BAIAP2: variants seen among roughly 807,000 people sequenced by gnomAD.
The protein encoded by BAIAP2 is BAR/IMD domain containing adaptor protein 2, also known as BAR/IMD domain-containing adapter protein 2.
BAIAP2 carries 18 observed loss-of-function variants against 63.0 expected under a neutral mutation model. The observed-to-expected ratio is 0.29, with a 90% CI of 0.20 to 0.42. BAIAP2 has a LOEUF of 0.42. Ranked by LOEUF, BAIAP2 falls within the 10% of genes least tolerant of loss-of-function variation. The pLI is 1.00. For synonymous variants in BAIAP2, 386 were observed against 307.6 expected, an observed-to-expected ratio of 1.25 and a Z score of -2.67; for missense variants, 610 against 734.3, an observed-to-expected ratio of 0.83 and a Z score of 1.96.
At chr17:81,110,987 C>T (rs146631363) in intron 13 of BAIAP2, 3 of 1,613,418 alleles carry the variant, frequency 1.9e-6, no homozygotes, top group South Asian at 2.2e-5. Context: ...CTCGTGCAGT[C>T]ACTGGCCTCT....
chr17:81,104,974 A>ACGG (rs1336852167), intron 10 of BAIAP2: 9 of 423,122 alleles, frequency 2.1e-5, no homozygotes, highest in East Asian at 1.6e-4. Flanking sequence ...TCTCCCCCCA[A>ACGG]CAGCAGGGAT....
At chr17:81,111,790 G>A (rs1001010882) in intron 13 of BAIAP2, among the ~76,000 whole-genome samples, 8 of 152,198 alleles carry the variant, frequency 5.3e-5, no homozygotes, top group South Asian at 2.1e-4. Context: ...CCTTCCAATC[G>A]CCTACACCTG....
rs751324703 is a variant in BAIAP2, at chr17:81,085,644, C to G, written c.280-10C>G. The stretch of plus-strand genomic sequence containing the variant: ...AGCTGACGGCTGATGTGTTTTCTCT[C>G]CATGTCCAGCTGAAGTCTTTTCACA... On this transcript the variant is annotated splice_polypyrimidine_tract_variant and intron_variant, in intron 4 of 13. Coordinates refer to ENST00000428708, the MANE Select transcript of BAIAP2 (RefSeq NM_001144888.2). 1 of 1,612,810 alleles carries G rather than the reference C, an allele frequency of 6.2e-7. No individual in the cohort carries two copies. The highest frequency in any genetic ancestry group is 8.5e-7 in the Non-Finnish European group (1 of 1,179,072).
At chr17:81,065,167 G>A (rs1238199114) in intron 3 of BAIAP2, among the ~76,000 whole-genome samples, 1 of 152,230 alleles carries the variant, frequency 6.6e-6, no homozygotes, top group Non-Finnish European at 1.5e-5. Flanking sequence ...GACTGGAGTG[G>A]CCGGCTGGAT....
intron 6 of BAIAP2, among the ~76,000 whole-genome samples, chr17:81,088,807 C>G (rs1452794000): frequency 6.6e-6 from 1 of 152,264 alleles, no homozygotes. Context: ...ACGGCCGGTA[C>G]TGCCCTGTGG....
intron 1 of BAIAP2, among the ~76,000 whole-genome samples, chr17:81,045,342 C>G (rs1168983550): frequency 6.6e-6 from 1 of 152,134 alleles, no homozygotes; most frequent in Non-Finnish European, 1.5e-5. Context: ...GCCGTGTGGC[C>G]CTTCCCACAG....
At chr17:81,076,670 C>T (rs1400267107) in intron 3 of BAIAP2, among the ~76,000 whole-genome samples, 2 of 152,146 alleles carry the variant, frequency 1.3e-5, no homozygotes, top group Non-Finnish European at 2.9e-5. Context: ...CTCGTGTATC[C>T]ATAGGGTGAA....
At chr17:81,040,144 A>C (rs1264052988) in intron 1 of BAIAP2, among the ~76,000 whole-genome samples, 5 of 152,180 alleles carry the variant, frequency 3.3e-5, no homozygotes, top group African/African-American at 7.2e-5. Context: ...CTGCTGGTTG[A>C]GGCTGGCTCC....
intron 3 of BAIAP2, among the ~76,000 whole-genome samples, chr17:81,062,022 C>A (rs9903540): frequency 0.8 from 121,672 of 152,082 alleles, 49,043 homozygotes; most frequent in East Asian, 0.9. Context: ...GGCTCACTGC[C>A]ACCTTCACCT....
At chr17:81,071,100 T>C (rs1443075603) in intron 3 of BAIAP2, among the ~76,000 whole-genome samples, 1 of 19,638 alleles carries the variant, frequency 5.1e-5, no homozygotes, top group Non-Finnish European at 2.0e-4. Flanking sequence ...CAGACATTGA[T>C]TTTTTTTTTT....
intron 6 of BAIAP2, among the ~76,000 whole-genome samples, chr17:81,089,131 C>T (rs944285267): frequency 6.6e-6 from 1 of 152,264 alleles, no homozygotes; most frequent in Non-Finnish European, 1.5e-5. Flanking sequence ...GCTCCTCAAG[C>T]CCATCCCACA....
chr17:81,079,354 C>G (rs762816880), intron 3 of BAIAP2, among the ~76,000 whole-genome samples: 2 of 152,176 alleles, frequency 1.3e-5, no homozygotes, highest in African/African-American at 2.4e-5. Context: ...GGAGGTAGAG[C>G]TGGTGGGGTG....
In BAIAP2 at chr17:81,040,658, C is replaced by T. The variant is rs371381382; in HGVS notation, c.54+5350C>T. Reference sequence around the variant, plus strand: ...TTCTGGAGCATTCATGCTTGAATCACTGTCCCGCCTTTGCTGAGGGTTTGC... The same window carrying T: ...TTCTGGAGCATTCATGCTTGAATCATTGTCCCGCCTTTGCTGAGGGTTTGC... On this transcript the variant is annotated intron_variant, in intron 1 of 13. Transcript: ENST00000428708. Among the ~76,000 whole-genome samples, 10 of 152,392 alleles carry T rather than the reference C, an allele frequency of 6.6e-5. No homozygotes were observed. The South Asian group carries it at 8.3e-4, about 13-fold the overall frequency.
intron 1 of BAIAP2, among the ~76,000 whole-genome samples, chr17:81,048,740 G>T (rs1296098220): frequency 6.6e-5 from 10 of 152,166 alleles, no homozygotes; most frequent in Admixed American, 6.5e-4. Context: ...GGTCCCTGGG[G>T]GCTGTAGTAG....
intron 3 of BAIAP2, among the ~76,000 whole-genome samples, chr17:81,065,098 G>C (rs62072981): frequency 0.083 from 12,691 of 152,282 alleles, 707 homozygotes; most frequent in Non-Finnish European, 0.12. Flanking sequence ...ACTTTTCCCA[G>C]GGGCGTCTGC....
At chr17:81,095,761 C>T (rs183755684) in intron 6 of BAIAP2, among the ~76,000 whole-genome samples, 5 of 152,294 alleles carry the variant, frequency 3.3e-5, no homozygotes, top group Admixed American at 1.3e-4. Flanking sequence ...GTCTCTCCCC[C>T]GACTTCCCCT....
chr17:81,076,793 A>G (rs1484396085), intron 3 of BAIAP2, among the ~76,000 whole-genome samples: 1 of 151,990 alleles, frequency 6.6e-6, no homozygotes, highest in Non-Finnish European at 1.5e-5. Context: ...ACATAGTGAG[A>G]CCCCATGTCT....
In BAIAP2 at chr17:81,047,575, C is replaced by T. The variant is rs1344468823; in HGVS notation, c.55-6093C>T. Among the ~76,000 whole-genome samples the T allele has an allele frequency of 4.6e-5, 7 of 151,924 alleles. No homozygotes were observed. In the East Asian group the frequency reaches 1.4e-3, roughly 29 times the overall value. On this transcript the variant is annotated intron_variant, in intron 1 of 13. Coordinates refer to ENST00000428708, the MANE Select transcript of BAIAP2 (RefSeq NM_001144888.2). ...GCCCACAGCACACACATGGGTCCAG[C>T]TCATGCCCACAGCACACACGGGTCC...
chr17:81,112,836 A>G (rs1187185474), intron 13 of BAIAP2, among the ~76,000 whole-genome samples: 1 of 152,038 alleles, frequency 6.6e-6, no homozygotes, highest in East Asian at 1.9e-4. Context: ...GGATCTCTTG[A>G]GCCCAGGGGT....
Sources: gnomAD v4.1 joint callset for allele counts (sites outside exome capture counted in the v4.1 genomes callset) on GRCh38, gnomAD v4.1.1 for gene constraint, MANE v1.5 for transcripts, NCBI Gene and HGNC (gene_info 2026-07-23, HGNC 2026-07-21) for gene names.